Variants in KIF15 observed in about 807,000 individuals in gnomAD.
The protein encoded by KIF15 is kinesin family member 15.
A neutral mutation model predicts 190.6 loss-of-function variants in KIF15; 140 were observed. That is an observed-to-expected ratio of 0.73 (90% CI 0.64 to 0.84). The LOEUF (loss-of-function observed/expected upper bound fraction) is 0.84, where lower values mean the gene tolerates loss of function less well. KIF15 is among the 40% of genes least tolerant of loss of function. The pLI, the probability that KIF15 is intolerant of heterozygous loss-of-function variation, is 0.00. For missense variants in KIF15, 1,372 were observed against 1,584.4 expected (o/e 0.87, Z 2.28); for synonymous variants, 528 against 551.3 (o/e 0.96, Z 0.59).
At position 44,794,208 on chromosome 3, in the gene KIF15, T is replaced by C; in HGVS notation, c.640-9T>C. 2 of 1,607,098 alleles carry C rather than the reference T, an allele frequency of 1.2e-6. No individual in the cohort carries two copies. Among genetic ancestry groups the C allele is most frequent in the South Asian group, 2.2e-5 (2 of 90,068 alleles). Reference sequence around the variant, plus strand: ...CTCATTTCTTTTAATATGTTTTCCTTTTGCATAGGTGTTGTCTGGAGGATG... The same window carrying C: ...CTCATTTCTTTTAATATGTTTTCCTCTTGCATAGGTGTTGTCTGGAGGATG... On this transcript the variant is annotated splice_polypyrimidine_tract_variant and intron_variant, in intron 7 of 34. Coordinates refer to ENST00000326047, the MANE Select transcript of KIF15 (RefSeq NM_020242.3).
At chr3:44,853,799 C>G (rs1699148098), downstream of KIF15, among the ~76,000 whole-genome samples, 1 of 152,126 alleles carries the variant, frequency 6.6e-6, no homozygotes, top group African/African-American at 2.4e-5. Flanking sequence ...GAACATTTTT[C>G]CATATTATGG....
At chr3:44,844,064 G>A (rs939399584) in intron 30 of KIF15, among the ~76,000 whole-genome samples, 16 of 152,126 alleles carry the variant, frequency 1.1e-4, no homozygotes, top group South Asian at 2.1e-4. Flanking sequence ...GCAAGAAGTC[G>A]AATTGAATCA....
chr3:44,799,927 A>G (rs1054614018), intron 10 of KIF15, among the ~76,000 whole-genome samples: 1 of 152,094 alleles, frequency 6.6e-6, no homozygotes, highest in Non-Finnish European at 1.5e-5. Flanking sequence ...GTAGGGAGCT[A>G]GGAAAGAAGG....
At chr3:44,825,899 C>T in intron 20 of KIF15, 140 bp from the exon 21 acceptor site, 1 of 662,086 alleles carries the variant, frequency 1.5e-6, no homozygotes, top group South Asian at 2.2e-5. Flanking sequence ...CACACAGGTC[C>T]ATAAGGAGCC....
At chr3:44,786,891 A>T (rs1217784347) in intron 7 of KIF15, among the ~76,000 whole-genome samples, 1 of 152,162 alleles carries the variant, frequency 6.6e-6, no homozygotes, top group African/African-American at 2.4e-5. Context: ...TCTGGCCTTT[A>T]AACCAGCTGG....
At chr3:44,773,279 G>A (rs927161518) in intron 1 of KIF15, among the ~76,000 whole-genome samples, 1 of 152,218 alleles carries the variant, frequency 6.6e-6, no homozygotes, top group Non-Finnish European at 1.5e-5. Context: ...TTTGCAGCAG[G>A]GAGAGAAATC....
Position 44,830,986 on chromosome 3 carries a change from C to A in KIF15, c.3139C>A (p.Leu1047Ile). The A allele has an allele frequency of 6.2e-7, 1 of 1,613,988 alleles. No individual in the cohort carries two copies. The highest frequency in any genetic ancestry group is 8.5e-7 in the Non-Finnish European group (1 of 1,179,946). ...EVDILDLKET[L>I]RLRILSEDIE... ...GGATATTCTGGATCTGAAAGAAACC[C>A]TTAGGCTGAGAATACTTTCTGAGGA... Residue 1047 changes from leucine (L) to isoleucine (I), a missense_variant, in exon 26 of 35, where the codon CTT becomes ATT. Coordinates refer to ENST00000326047, the MANE Select transcript of KIF15 (RefSeq NM_020242.3).
At chr3:44,815,610 CCAAAACAATAGT>C (rs898596612) in intron 20 of KIF15, among the ~76,000 whole-genome samples, 5 of 152,140 alleles carry the variant, frequency 3.3e-5, no homozygotes, top group Admixed American at 3.3e-4. Context: ...ATAAGGTAAA[CCAAAACAATAGT>C]CTTCACTGCT....
intron 26 of KIF15, among the ~76,000 whole-genome samples, chr3:44,836,666 A>G (rs1223560548): frequency 1.3e-5 from 2 of 152,214 alleles, no homozygotes; most frequent in Non-Finnish European, 2.9e-5. Context: ...AATCAGAGAC[A>G]TGCAAATGTT....
At chr3:44,778,789 G>A (rs902688166) in intron 4 of KIF15, among the ~76,000 whole-genome samples, 1 of 151,714 alleles carries the variant, frequency 6.6e-6, no homozygotes, top group South Asian at 2.1e-4. Flanking sequence ...GACCAGTCAG[G>A]CCAACATGGT....
chr3:44,817,014 T>A (rs1708060674), intron 20 of KIF15, among the ~76,000 whole-genome samples: 1 of 152,116 alleles, frequency 6.6e-6, no homozygotes, highest in Admixed American at 6.5e-5. Context: ...TTTTCATGTG[T>A]CTCTTGGCTG....
chr3:44,796,226 G>A (rs934318421), intron 8 of KIF15, among the ~76,000 whole-genome samples: 30 of 152,114 alleles, frequency 2.0e-4, no homozygotes, highest in Admixed American at 3.9e-4. Flanking sequence ...TGAGCATGGT[G>A]GCTTATGCCT....
intron 1 of KIF15, among the ~76,000 whole-genome samples, chr3:44,772,378 T>G (rs1333770320): frequency 6.6e-6 from 1 of 152,154 alleles, no homozygotes; most frequent in African/African-American, 2.4e-5. Context: ...ACTTTTCTAT[T>G]TTTCCCAAGG....
intron 5 of KIF15, among the ~76,000 whole-genome samples, chr3:44,782,232 G>C (rs1398126621): frequency 2.0e-5 from 3 of 151,956 alleles, no homozygotes; most frequent in Non-Finnish European, 4.4e-5. Context: ...TGTATATTTA[G>C]TAGAGACGGG....
intron 24 of KIF15, among the ~76,000 whole-genome samples, 196 bp downstream of exon 24, chr3:44,828,496 C>T (rs1255516815): frequency 6.6e-6 from 1 of 152,192 alleles, no homozygotes; most frequent in Non-Finnish European, 1.5e-5. Context: ...CATGTAACTT[C>T]AAGTACAAAC....
rs34530784 is a variant in KIF15 at position 44,795,680 on chromosome 3, TTATA to T, written c.849+1269_849+1272del. ...TGTAATATGTATTGTCAATATGTGT[TTATA>T]TATATATATATATAGTAATACGAAT... On this transcript the variant is annotated intron_variant, in intron 8 of 34. Transcript: ENST00000326047. 3.1e-4 allele frequency among the ~76,000 whole-genome samples: 47 copies of T among 150,080 alleles called. No individual in the cohort carries two copies. The East Asian group carries it at 3.7e-3, about 12-fold the overall frequency.
intron 27 of KIF15, among the ~76,000 whole-genome samples, chr3:44,838,713 A>C (rs1017658577): frequency 1.3e-4 from 19 of 148,196 alleles, no homozygotes; most frequent in Non-Finnish European, 5.9e-5. Context: ...GCACCACTGC[A>C]CTCCAGCCTG....
chr3:44,865,095 G>A (rs1301274738), intron 6 of KIF15: 2 of 1,614,136 alleles, frequency 1.2e-6, no homozygotes, highest in Non-Finnish European at 1.7e-6. Context: ...TGGTGGGGAG[G>A]AGTGTTCCTT....
At chr3:44,769,685 C>A (rs1352067440) in intron 1 of KIF15, among the ~76,000 whole-genome samples, 1 of 150,180 alleles carries the variant, frequency 6.7e-6, no homozygotes. Context: ...TTTTTTTTTT[C>A]TTAGGGCTTT....
Sources: allele counts gnomAD v4.1 joint callset (sites outside exome capture counted in the v4.1 genomes callset), GRCh38; gene constraint gnomAD v4.1.1; transcripts MANE v1.5; gene names NCBI Gene and HGNC (gene_info 2026-07-23, HGNC 2026-07-21).